Variants in TSEN15 observed in about 807,000 individuals in gnomAD.
TSEN15 encodes the protein tRNA-splicing endonuclease subunit Sen15.
A neutral mutation model predicts 20.5 loss-of-function variants in TSEN15; 10 were observed. That is an observed-to-expected ratio of 0.49 (90% CI 0.30 to 0.83). TSEN15 has a LOEUF of 0.83. Among genes scored for constraint, TSEN15 ranks in the 40% least tolerant of loss-of-function variants. The pLI, the probability that TSEN15 is intolerant of heterozygous loss-of-function variation, is 0.06. For missense variants in TSEN15, 180 were observed against 218.6 expected, an observed-to-expected ratio of 0.82 and a Z score of 1.11; for synonymous variants, 72 against 80.1, an observed-to-expected ratio of 0.90 and a Z score of 0.54.
At chr1:184,083,106 A>T (rs1651198683) in intron 3 of TSEN15, among the ~76,000 whole-genome samples, 1 of 152,180 alleles carries the variant, frequency 6.6e-6, no homozygotes, top group Non-Finnish European at 1.5e-5. Context: ...TTTGATACAG[A>T]GTAGAAGCTC....
chr1:184,064,671 C>G (rs1650583141), intron 3 of TSEN15, among the ~76,000 whole-genome samples: 1 of 152,138 alleles, frequency 6.6e-6, no homozygotes, highest in African/African-American at 2.4e-5. Context: ...ACTACAAAAT[C>G]TGTAGGAAAT....
intron 3 of TSEN15, among the ~76,000 whole-genome samples, chr1:184,080,837 A>T (rs1322436361): frequency 1.3e-5 from 2 of 152,176 alleles, no homozygotes; most frequent in Non-Finnish European, 2.9e-5. Context: ...TTGCACCTCA[A>T]TGATCTTGCA....
chr1:184,070,435 G>A (rs1431937086), intron 3 of TSEN15, among the ~76,000 whole-genome samples: 1 of 151,848 alleles, frequency 6.6e-6, no homozygotes, highest in Non-Finnish European at 1.5e-5. Context: ...TTATATATTG[G>A]GTTTTATGTA....
At chr1:184,088,794 C>T (rs1651309580) in intron 3 of TSEN15, among the ~76,000 whole-genome samples, 1 of 152,098 alleles carries the variant, frequency 6.6e-6, no homozygotes, top group Non-Finnish European at 1.5e-5. Context: ...ATGGCTAAGA[C>T]CCTATTTGTT....
At chr1:184,066,832 A>C (rs1378206426) in intron 3 of TSEN15, among the ~76,000 whole-genome samples, 2 of 152,194 alleles carry the variant, frequency 1.3e-5, no homozygotes, top group Non-Finnish European at 2.9e-5. Flanking sequence ...TCTACAAAAC[A>C]ACGTGCTGGG....
chr1:184,091,336 T>C (rs985027923), intron 3 of TSEN15, among the ~76,000 whole-genome samples: 12 of 152,032 alleles, frequency 7.9e-5, no homozygotes, highest in African/African-American at 2.9e-4. Context: ...ATATATATGG[T>C]ATAGTATAGT....
intron 2 of TSEN15, 92 bp from the exon 3 acceptor site, chr1:184,054,636 A>T: frequency 7.0e-7 from 1 of 1,421,472 alleles, no homozygotes; most frequent in Non-Finnish European, 9.5e-7. Flanking sequence ...GTTACGAGTG[A>T]TATTTGCTCA....
At chr1:184,094,494 G>A (rs1208224301) in intron 3 of TSEN15, 1 of 152,450 alleles carries the variant, frequency 6.6e-6, no homozygotes, top group African/African-American at 2.4e-5. Context: ...ATGGAAGGGT[G>A]GGTCCCGGAA....
intron 3 of TSEN15, among the ~76,000 whole-genome samples, chr1:184,066,239 A>G (rs1650651815): frequency 6.7e-6 from 1 of 149,054 alleles, no homozygotes; most frequent in Admixed American, 6.7e-5. Context: ...AAAGATGTTT[A>G]TTTCTTCATC....
chr1:184,065,185 C>T (rs1035898807), intron 3 of TSEN15, among the ~76,000 whole-genome samples: 11 of 149,784 alleles, frequency 7.3e-5, no homozygotes, highest in African/African-American at 2.5e-4. Context: ...AAAATGTATA[C>T]ACACACACAC....
At chr1:184,086,849 G>T (rs1651270345) in intron 3 of TSEN15, among the ~76,000 whole-genome samples, 1 of 152,176 alleles carries the variant, frequency 6.6e-6, no homozygotes, top group Non-Finnish European at 1.5e-5. Flanking sequence ...GCTTTATTCT[G>T]TTCATTAGAA....
chr1:184,082,164 T>G (rs145559031), intron 3 of TSEN15, among the ~76,000 whole-genome samples: 1 of 152,208 alleles, frequency 6.6e-6, no homozygotes, highest in East Asian at 1.9e-4. Context: ...TCAGGGTGCA[T>G]TAGCATCTGA....
At chr1:184,097,344 A>G (rs1557893427) in exon 4 of TSEN15, 1 of 152,238 alleles carries the variant, frequency 6.6e-6, no homozygotes, top group Non-Finnish European at 1.5e-5. Flanking sequence ...CAAAGACTAC[A>G]TAAGGCACAG....
chr1:184,066,557 C>T (rs1193051165), intron 3 of TSEN15, among the ~76,000 whole-genome samples: 2 of 151,986 alleles, frequency 1.3e-5, no homozygotes. Flanking sequence ...AGGCGCATAC[C>T]ACCACACCTG....
chr1:184,083,784 C>G (rs1405369728), intron 3 of TSEN15, among the ~76,000 whole-genome samples: 1 of 152,072 alleles, frequency 6.6e-6, no homozygotes, highest in Non-Finnish European at 1.5e-5. Context: ...TGTTCCACTC[C>G]CACAAAATGA....
chr1:184,059,882 C>A (rs1650385574), intron 3 of TSEN15, among the ~76,000 whole-genome samples: 1 of 152,202 alleles, frequency 6.6e-6, no homozygotes. Flanking sequence ...ATCCCTTCAT[C>A]TCTACTGGTT....
At chr1:184,084,472 A>T (rs918759448) in intron 3 of TSEN15, among the ~76,000 whole-genome samples, 1 of 150,102 alleles carries the variant, frequency 6.7e-6, no homozygotes, top group Admixed American at 6.6e-5. Context: ...TTTGATTATT[A>T]TCCATAAATC....
intron 3 of TSEN15, among the ~76,000 whole-genome samples, chr1:184,080,422 T>A (rs1344789613): frequency 6.6e-6 from 1 of 152,182 alleles, no homozygotes; most frequent in Non-Finnish European, 1.5e-5. Context: ...TGTATTGTTT[T>A]CAGAATATTA....
intron 3 of TSEN15, among the ~76,000 whole-genome samples, chr1:184,082,695 A>C (rs1390636926): frequency 6.6e-6 from 1 of 152,062 alleles, no homozygotes; most frequent in African/African-American, 2.4e-5. Context: ...TTTTATCCCC[A>C]ACAGGTTTTT....
Sources: allele counts gnomAD v4.1 joint callset (sites outside exome capture counted in the v4.1 genomes callset), GRCh38; gene constraint gnomAD v4.1.1; transcripts MANE v1.5; gene names NCBI Gene and HGNC (gene_info 2026-07-23, HGNC 2026-07-21).